The following ASCC3 variants were observed in gnomAD, a reference collection of about 807,000 sequenced individuals.
ASCC3 encodes the protein activating signal cointegrator 1 complex subunit 3.
In ASCC3, 158 loss-of-function variants were observed where a neutral mutation model predicts 256.3. The observed-to-expected ratio is 0.62, with a 90% CI of 0.54 to 0.70. The LOEUF is 0.70. ASCC3 is among the 30% of genes least tolerant of loss of function. The pLI, the probability that ASCC3 is intolerant of heterozygous loss-of-function variation, is 0.00. For missense variants in ASCC3, 2,259 were observed against 2,626.0 expected (o/e 0.86, Z 3.05); for synonymous variants, 948 against 883.4 (o/e 1.07, Z -1.30).
chr6:100,639,252 T>A (rs1774995156), intron 24 of ASCC3, among the ~76,000 whole-genome samples: 1 of 152,234 alleles, frequency 6.6e-6, no homozygotes, highest in Non-Finnish European at 1.5e-5. Flanking sequence ...AGCAGTTGAG[T>A]TAACTATTGT....
chr6:100,519,537 A>G (rs1774200125), intron 37 of ASCC3, among the ~76,000 whole-genome samples: 1 of 152,002 alleles, frequency 6.6e-6, no homozygotes, highest in African/African-American at 2.4e-5. Flanking sequence ...CTACTCATAG[A>G]CAAAAAAGAG....
chr6:100,574,450 T>A (rs12206118), intron 36 of ASCC3, among the ~76,000 whole-genome samples: 8,487 of 152,182 alleles, frequency 0.056, 341 homozygotes, highest in Non-Finnish European at 0.085. Flanking sequence ...GTTTTTATAT[T>A]ATTTTTCCAT....
At chr6:100,801,239 C>T (rs1769902792) in intron 5 of ASCC3, among the ~76,000 whole-genome samples, 1 of 152,068 alleles carries the variant, frequency 6.6e-6, no homozygotes, top group Non-Finnish European at 1.5e-5. Context: ...AGTATCTTCA[C>T]TTACTGAAAC....
At chr6:100,764,270 G>A (rs9377214) in intron 10 of ASCC3, among the ~76,000 whole-genome samples, 83,441 of 151,932 alleles carry the variant, frequency 0.55, 23,287 homozygotes, top group South Asian at 0.75. Flanking sequence ...ATGGTGCTAC[G>A]GGATTCAGGG....
intron 37 of ASCC3, among the ~76,000 whole-genome samples, chr6:100,525,592 GA>G (rs1414931665): frequency 1.3e-5 from 2 of 151,668 alleles, no homozygotes; most frequent in African/African-American, 2.4e-5. Flanking sequence ...TATATATCAA[GA>G]AAAAAATTTT....
chr6:100,620,316 A>G (rs1353401542), intron 30 of ASCC3, among the ~76,000 whole-genome samples: 2 of 152,178 alleles, frequency 1.3e-5, no homozygotes, highest in South Asian at 2.1e-4. Flanking sequence ...AACCACTGCA[A>G]TAAGGATTCC....
intron 36 of ASCC3, among the ~76,000 whole-genome samples, chr6:100,577,027 TAA>T (rs79109773): frequency 1.0e-4 from 14 of 134,850 alleles, no homozygotes; most frequent in African/African-American, 1.6e-4. Flanking sequence ...ACTGCCACAT[TAA>T]AAAAAAAAAA....
chr6:100,525,156 C>CAAA (rs57882047), intron 37 of ASCC3, among the ~76,000 whole-genome samples: 1,122 of 44,924 alleles, frequency 0.025, 28 homozygotes, highest in Non-Finnish European at 0.031. Flanking sequence ...GACCCTGTCT[C>CAAA]AAAAAAAAAA....
chr6:100,653,533 G>A (rs990404549), intron 17 of ASCC3, among the ~76,000 whole-genome samples: 2 of 151,758 alleles, frequency 1.3e-5, no homozygotes, highest in African/African-American at 4.8e-5. Flanking sequence ...AGCTACTCAG[G>A]CGGCTGAGGC....
At chr6:100,746,912 G>A (rs1012540830) in intron 10 of ASCC3, among the ~76,000 whole-genome samples, 1 of 152,002 alleles carries the variant, frequency 6.6e-6, no homozygotes, top group Non-Finnish European at 1.5e-5. Context: ...TTCAATAGAG[G>A]TGTCAAGTCA....
chr6:100,628,848 G>A (rs906674592), intron 27 of ASCC3, among the ~76,000 whole-genome samples, 167 bp downstream of exon 27: 1 of 152,008 alleles, frequency 6.6e-6, no homozygotes, highest in African/African-American at 2.4e-5. Flanking sequence ...TAAGGTGATA[G>A]ATGTTAATTA....
At chr6:100,669,977 A>G (rs1393756565) in intron 14 of ASCC3, among the ~76,000 whole-genome samples, 10 of 151,966 alleles carry the variant, frequency 6.6e-5, no homozygotes, top group East Asian at 1.9e-4. Flanking sequence ...CCCAGAAACC[A>G]TAAATAAATT....
chr6:100,647,125 A>G, intron 21 of ASCC3, 101 bp downstream of exon 21: 1 of 1,115,922 alleles, frequency 9.0e-7, no homozygotes, highest in Admixed American at 2.2e-5. Context: ...TAAAATTTTT[A>G]TTTTGATTAA....
At position 100,737,060 on chromosome 6, in the gene ASCC3, T is replaced by C. The variant is rs542010449; in HGVS notation, c.1738-11357A>G. Among the ~76,000 whole-genome samples the C allele has an allele frequency of 4.1e-4, 62 of 151,700 alleles. 1 individual carries two copies. The highest frequency in any genetic ancestry group is 1.5e-3 in the African/African-American group (60 of 41,344). On this transcript the variant is annotated intron_variant, in intron 10 of 41. Transcript: ENST00000369162. ...TACTCGGAAAGTTGAGGCAGGAGAA[T>C]TGCTTGAACCCGAGAGGTGGAGGAT...
rs1772921164 is a variant in ASCC3, at chr6:100,606,939, A to G, written c.4923+12T>C. 2.5e-6 allele frequency: 4 copies of G among 1,612,244 alleles called. No homozygotes were observed. The highest frequency in any genetic ancestry group is 1.3e-5 in the African/African-American group (1 of 74,934). ...ACATTTAAATATGTGTTCACTGGAG[A>G]AAAAAAAGTACCTGAACTTTACAGT... On this transcript the variant is annotated intron_variant, in intron 31 of 41. Transcript: ENST00000369162.
chr6:100,686,239 TAGC>T, intron 13 of ASCC3, among the ~76,000 whole-genome samples: 1 of 152,332 alleles, frequency 6.6e-6, no homozygotes, highest in Non-Finnish European at 1.5e-5. Flanking sequence ...CAACAAATGT[TAGC>T]AGTTGTTTAT....
intron 36 of ASCC3, among the ~76,000 whole-genome samples, chr6:100,573,857 G>A (rs1770723020): frequency 6.6e-6 from 1 of 152,032 alleles, no homozygotes; most frequent in Non-Finnish European, 1.5e-5. Flanking sequence ...AATAAAGATT[G>A]CGTTTGCGAT....
intron 11 of ASCC3, among the ~76,000 whole-genome samples, chr6:100,722,367 T>C (rs1034109283): frequency 6.6e-6 from 1 of 151,734 alleles, no homozygotes; most frequent in Non-Finnish European, 1.5e-5. Context: ...TCTAATTCTA[T>C]GAAGAATGAC....
intron 13 of ASCC3, among the ~76,000 whole-genome samples, chr6:100,698,268 CA>C (rs2114994568): frequency 6.6e-6 from 1 of 152,002 alleles, no homozygotes; most frequent in Admixed American, 6.5e-5. Context: ...TTGTTAATAG[CA>C]ATGAAGAAAA....
Sources: allele counts gnomAD v4.1 joint callset (sites outside exome capture counted in the v4.1 genomes callset), GRCh38; gene constraint gnomAD v4.1.1; transcripts MANE v1.5; gene names NCBI Gene and HGNC (gene_info 2026-07-23, HGNC 2026-07-21).